The following FAM50A variants were observed in gnomAD, a reference collection of about 807,000 sequenced individuals.
FAM50A encodes family with sequence similarity 50 member A, also known as protein FAM50A.
A neutral mutation model predicts 35.5 loss-of-function variants in FAM50A; 6 were observed. The ratio of observed to expected loss-of-function variants is 0.17; its 90% CI spans 0.09 to 0.33. The LOEUF is 0.33. Ranked by LOEUF, FAM50A falls within the 10% of genes least tolerant of loss-of-function variation. The pLI is 1.00. For missense variants in FAM50A, 145 were observed against 295.5 expected (o/e 0.49, Z 3.73); for synonymous variants, 120 against 110.9 (o/e 1.08, Z -0.52).
rs2068791850 is a variant in FAM50A, at chrX:154,448,679, C to A, written c.520-11C>A. 8.3e-7 allele frequency: 1 copy of A among 1,208,653 alleles called. No homozygotes were observed. Among genetic ancestry groups the A allele is most frequent in the South Asian group, 1.8e-5 (1 of 56,885 alleles). ...CCTGGGCCTCACCTGTCTGCCTGCT[C>A]CCTCTCCCAGGAGGAGGAGAATCGG... On this transcript the variant is annotated splice_polypyrimidine_tract_variant and intron_variant, in intron 5 of 12. Coordinates refer to ENST00000393600, the MANE Select transcript of FAM50A (RefSeq NM_004699.4).
chrX:154,445,230 T>C (rs1557199656), intron 1 of FAM50A, among the ~76,000 whole-genome samples: 1 of 111,740 alleles, frequency 8.9e-6, no homozygotes, highest in African/African-American at 3.3e-5. Context: ...AAGCTGTTGA[T>C]GACATTCTGG....
At chrX:154,450,380 C>T in intron 12 of FAM50A, 44 bp from the exon 13 acceptor site, 1 of 1,210,358 alleles carries the variant, frequency 8.3e-7, no homozygotes, top group Non-Finnish European at 1.1e-6. Flanking sequence ...CCTGCTCACC[C>T]CTCGCCTTCC....
chrX:154,445,034 A>T (rs1475093562), intron 1 of FAM50A: 3 of 112,336 alleles, frequency 2.7e-5, no homozygotes, highest in Non-Finnish European at 5.6e-5. Context: ...GGAACTGGGG[A>T]AGCCTGGCCA....
Position 154,444,205 on chromosome X carries a change from C to T in FAM50A, c.-31C>T. 3 of 386,406 alleles carry T rather than the reference C, an allele frequency of 7.8e-6. No individual in the cohort carries two copies. The highest frequency in any genetic ancestry group is 6.7e-6 in the Non-Finnish European group (2 of 300,038). 31.8% of individuals were successfully genotyped at this position (386,406 alleles called of 1,213,427 possible). A position where few individuals can be genotyped will look rare whatever the true frequency, so the allele number is the denominator to read the frequency against. ...TGTCGCTGTCGCCGCCGCCGCCGCC[C>T]GCCGCCGCCGCCGCCGCCGCCGCCG... On this transcript the variant is annotated 5_prime_UTR_variant, in exon 1 of 13. Coordinates refer to ENST00000393600, the MANE Select transcript of FAM50A (RefSeq NM_004699.4).
rs781807061 is a variant in FAM50A at position 154,450,453 on chromosome X, C to T, written c.*21C>T. On this transcript the variant is annotated 3_prime_UTR_variant, in exon 13 of 13. Transcript: ENST00000393600. ...GCTGAGCATCCAGGAGGCTGCGCGG[C>T]CCCGGCTCCTCAGCTCCCTCAGTGT... 19 of 1,205,366 alleles carry T rather than the reference C, an allele frequency of 1.6e-5. No individual in the cohort carries two copies. Among genetic ancestry groups the T allele is most frequent in the Non-Finnish European group, 2.1e-5 (19 of 892,056 alleles).
Position 154,444,201 on chromosome X carries a change from C to T in FAM50A, c.-35C>T, listed in dbSNP as rs1423378032. 2 of 644,121 alleles carry T rather than the reference C, an allele frequency of 3.1e-6. No homozygotes were observed. The highest frequency in any genetic ancestry group is 3.8e-6 in the Non-Finnish European group (2 of 525,065). The allele number at this position is 644,121 out of a possible 1,213,427, so 53.1% of individuals were successfully genotyped here. A position where few individuals can be genotyped will look rare whatever the true frequency, so the allele number is the denominator to read the frequency against. On this transcript the variant is annotated 5_prime_UTR_variant, in exon 1 of 13. Transcript: ENST00000393600. ...CCGCTGTCGCTGTCGCCGCCGCCGC[C>T]GCCCGCCGCCGCCGCCGCCGCCGCC...
intron 7 of FAM50A, 128 bp downstream of exon 7, chrX:154,449,082 G>C: frequency 2.2e-6 from 2 of 893,171 alleles, no homozygotes; most frequent in Admixed American, 2.6e-5. Flanking sequence ...CCAGGGCCTG[G>C]CCCCCTGTCT....
chrX:154,449,076 G>T, intron 7 of FAM50A, 122 bp downstream of exon 7: 1 of 905,599 alleles, frequency 1.1e-6, no homozygotes, highest in Non-Finnish European at 1.6e-6. Flanking sequence ...CTGGCTCCAG[G>T]GCCTGGCCCC....
In FAM50A at chrX:154,446,402, T is replaced by C. The variant is rs1413145479; in HGVS notation, c.297-13T>C. On this transcript the variant is annotated splice_polypyrimidine_tract_variant and intron_variant, in intron 3 of 12. Coordinates refer to ENST00000393600, the MANE Select transcript of FAM50A (RefSeq NM_004699.4). The stretch of plus-strand genomic sequence containing the variant: ...GGACATGATGTGTGATGGGGCCACC[T>C]GCACCTCACTAGGAAGCTGGAGAAG... The C allele has an allele frequency of 1.7e-6, 2 of 1,208,019 alleles. No homozygotes were observed. The highest frequency in any genetic ancestry group is 1.8e-5 in the South Asian group (1 of 56,906).
chrX:154,448,358 G>C (rs1322217521), intron 4 of FAM50A, 126 bp from the exon 5 acceptor site: 9 of 555,152 alleles, frequency 1.6e-5, no homozygotes, highest in Non-Finnish European at 2.7e-5. Flanking sequence ...GTGAGCCTCT[G>C]TGCCCGCCCT....
At chrX:154,449,614 C>A in intron 8 of FAM50A, 67 bp from the exon 9 acceptor site, 1 of 1,005,224 alleles carries the variant, frequency 9.9e-7, no homozygotes, top group Non-Finnish European at 1.4e-6. Flanking sequence ...CCTGGGCTGG[C>A]TGTCTCCTCC....
At position 154,448,768 on chromosome X, in the gene FAM50A, C is replaced by A. The variant is rs372634756; in HGVS notation, c.586+12C>A. 1 of 1,205,464 alleles carries A rather than the reference C, an allele frequency of 8.3e-7. No individual in the cohort carries two copies. The highest frequency in any genetic ancestry group is 1.1e-6 in the Non-Finnish European group (1 of 890,438). On this transcript the variant is annotated intron_variant, in intron 6 of 12. Transcript: ENST00000393600. Reference sequence around the variant, plus strand: ...GGAGAAGATCAAGAGTGAGTGTTTGCGGAGTCAGACGCGAGGGGCCTGGGC... The same window carrying A: ...GGAGAAGATCAAGAGTGAGTGTTTGAGGAGTCAGACGCGAGGGGCCTGGGC...
At chrX:154,449,658 G>A (rs782745966) in intron 8 of FAM50A, 23 bp from the exon 9 acceptor site, 2 of 1,201,341 alleles carry the variant, frequency 1.7e-6, no homozygotes, top group Admixed American at 2.2e-5. Context: ...TCTTGCCCAC[G>A]CCCTCCTGCC....
intron 4 of FAM50A, among the ~76,000 whole-genome samples, chrX:154,448,072 C>CT (rs781847663): frequency 0.037 from 3,094 of 82,847 alleles, 227 homozygotes; most frequent in African/African-American, 0.15. Context: ...TTTTTTCTTT[C>CT]TTTTTTTTTT....
Position 154,446,443 on chromosome X carries a change from C to T in FAM50A, c.325C>T (p.Arg109Cys), listed in dbSNP as rs1159047151. Residue 109 changes from arginine (R) to cysteine (C), a missense_variant, in exon 4 of 13, where the codon CGT becomes TGT. Arg to Cys is a radical substitution (Grantham distance 180, BLOSUM62 -3). Around this residue, in one of 5 missense-constraint regions of FAM50A, gnomAD observed 31 missense variants for 75.2 expected, o/e 0.41. Transcript: ENST00000393600. ...MKLEKLREKE[R>C]KKEAKRKISS... ...GCTGGAGAAGCTTCGAGAGAAGGAG[C>T]GTAAGAAGGAAGCCAAGCGGAAGAT... The T allele has an allele frequency of 4.1e-6, 5 of 1,208,979 alleles. No homozygotes were observed. Among genetic ancestry groups the T allele is most frequent in the Non-Finnish European group, 4.5e-6 (4 of 894,337 alleles).
chrX:154,447,821 GT>G (rs1448710146), intron 4 of FAM50A, among the ~76,000 whole-genome samples: 1 of 110,594 alleles, frequency 9.0e-6, no homozygotes, highest in Non-Finnish European at 1.9e-5. Context: ...ATCTCGCCAT[GT>G]TGCCCAAGCT....
chrX:154,447,117 G>A (rs1485855402), intron 4 of FAM50A, among the ~76,000 whole-genome samples: 3 of 112,334 alleles, frequency 2.7e-5, no homozygotes, highest in African/African-American at 9.7e-5. Context: ...GGCCCACCGG[G>A]CTAACCCAGG....
chrX:154,446,140 T>C (rs2068781862), intron 3 of FAM50A: 1 of 444,689 alleles, frequency 2.2e-6, no homozygotes, highest in Non-Finnish European at 3.9e-6. Context: ...GTGGGCCCTT[T>C]CCCAGCATCC....
In FAM50A at chrX:154,448,882, C is replaced by G; in HGVS notation, c.587-11C>G. Reference sequence around the variant, plus strand: ...TGGGGCTGGAGACCAAGAGGCAGCTCTGCCTTGTAGGTGAGGAGATCGAGA... The same window carrying G: ...TGGGGCTGGAGACCAAGAGGCAGCTGTGCCTTGTAGGTGAGGAGATCGAGA... On this transcript the variant is annotated splice_polypyrimidine_tract_variant and intron_variant, in intron 6 of 12. Coordinates refer to ENST00000393600, the MANE Select transcript of FAM50A (RefSeq NM_004699.4). 1 of 1,210,336 alleles carries G rather than the reference C, an allele frequency of 8.3e-7. No homozygotes were observed. The highest frequency in any genetic ancestry group is 1.1e-6 in the Non-Finnish European group (1 of 894,000).
Sources: gnomAD v4.1 joint callset for allele counts (sites outside exome capture counted in the v4.1 genomes callset) on GRCh38, gnomAD v4.1.1 for gene constraint, gnomAD v4.1.1 regional missense constraint, MANE v1.5 for transcripts, NCBI Gene and HGNC (gene_info 2026-07-23, HGNC 2026-07-21) for gene names.